Variants in OTUD4 observed in about 807,000 individuals in gnomAD.
The protein encoded by OTUD4 is OTU deubiquitinase 4.
Under a neutral mutation model 130.4 loss-of-function variants are expected in OTUD4, and 24 were observed. The ratio of observed to expected loss-of-function variants is 0.18; its 90% confidence interval spans 0.13 to 0.26. OTUD4 has a LOEUF of 0.26. OTUD4 is among the 10% of genes least tolerant of loss of function. The pLI, the probability that OTUD4 is intolerant of heterozygous loss-of-function variation, is 1.00. For synonymous variants in OTUD4, 420 were observed against 472.5 expected (o/e 0.89, Z 1.44); for missense variants, 1,031 against 1,329.4 (o/e 0.78, Z 3.49).
chr4:145,142,781 G>GTAAC (rs1750625775), intron 17 of OTUD4, among the ~76,000 whole-genome samples: 1 of 152,232 alleles, frequency 6.6e-6, no homozygotes, highest in Non-Finnish European at 1.5e-5. Flanking sequence ...AACTCCTCAT[G>GTAAC]TAACTATATG....
At chr4:145,154,711 G>A (rs1218141547) in intron 10 of OTUD4, among the ~76,000 whole-genome samples, 1 of 152,044 alleles carries the variant, frequency 6.6e-6, no homozygotes, top group African/African-American at 2.4e-5. Context: ...AGGGAGATGA[G>A]GGAGGCTGTC....
intron 5 of OTUD4, 25 bp from the exon 6 acceptor site, chr4:145,162,746 A>G: frequency 8.1e-7 from 1 of 1,232,378 alleles, no homozygotes; most frequent in African/African-American, 1.5e-5. Flanking sequence ...TAAAAGAAAC[A>G]TTTCAGCCCC....
At chr4:145,153,096 C>G (rs898989169) in intron 10 of OTUD4, among the ~76,000 whole-genome samples, 1 of 152,150 alleles carries the variant, frequency 6.6e-6, no homozygotes. Flanking sequence ...AAAATAAGTT[C>G]AAATAGGTCT....
At chr4:145,175,048 A>G (rs1752352969) in intron 1 of OTUD4, among the ~76,000 whole-genome samples, 1 of 152,174 alleles carries the variant, frequency 6.6e-6, no homozygotes, top group Admixed American at 6.5e-5. Context: ...TCCCTCCACA[A>G]TAACTTTACT....
chr4:145,179,582 T>C, intron 1 of OTUD4: 1 of 1,359,012 alleles, frequency 7.4e-7, no homozygotes, highest in Non-Finnish European at 9.4e-7. Context: ...TCATTACCTC[T>C]TCATCAGGAG....
chr4:145,158,309 C>G (rs1253257854), intron 7 of OTUD4, among the ~76,000 whole-genome samples: 1 of 151,996 alleles, frequency 6.6e-6, no homozygotes, highest in Non-Finnish European at 1.5e-5. Context: ...GGTGAAACCC[C>G]ATCTCTACTA....
chr4:145,141,268 C>T, intron 19 of OTUD4, 111 bp downstream of exon 19: 1 of 757,486 alleles, frequency 1.3e-6, no homozygotes. Context: ...CCTTCCCATC[C>T]TTGAGCTTAC....
chr4:145,165,499 TG>T (rs1751809005), intron 3 of OTUD4, among the ~76,000 whole-genome samples: 1 of 151,850 alleles, frequency 6.6e-6, no homozygotes. Context: ...TTTTTTGAGA[TG>T]GAGTTTCGCT....
intron 11 of OTUD4, among the ~76,000 whole-genome samples, chr4:145,152,269 T>C (rs543111975): frequency 5.5e-4 from 84 of 152,188 alleles, no homozygotes; most frequent in Middle Eastern, 3.4e-3. Flanking sequence ...TGCGCTGCCA[T>C]GTCCAGCTAA....
rs1399712612 is a variant in OTUD4 at position 145,155,464 on chromosome 4, G to A, written c.820C>T (p.Arg274Cys). Reference sequence around the variant, plus strand: ...AAGCCAGCAGCAATGGAATAATCACGTTTTTGCTGAGCTGTTAAAAAAAAA... The same window carrying A: ...AAGCCAGCAGCAATGGAATAATCACATTTTTGCTGAGCTGTTAAAAAAAAA... ...WLKSKQAQQK[R>C]DYSIAAGLQY... Residue 274 changes from arginine (R) to cysteine (C), a missense_variant, in exon 10 of 21, where the codon CGT becomes TGT. Physicochemically the swap from Arg to Cys is radical, Grantham distance 180 (BLOSUM62 -3). Around this residue, in one of 3 missense-constraint regions of OTUD4, gnomAD observed 900 missense variants for 1,095.9 expected, o/e 0.82. Coordinates refer to ENST00000447906, the MANE Select transcript of OTUD4 (RefSeq NM_001366057.1). 2.0e-5 allele frequency: 32 copies of A among 1,602,496 alleles called. No individual in the cohort carries two copies. Among genetic ancestry groups the A allele is most frequent in the Admixed American group, 5.1e-5 (3 of 58,712 alleles).
intron 3 of OTUD4, among the ~76,000 whole-genome samples, chr4:145,168,413 TAAAAAAA>T (rs11432018): frequency 8.1e-6 from 1 of 122,874 alleles, no homozygotes; most frequent in Non-Finnish European, 1.7e-5. Flanking sequence ...AATAAAAAAT[TAAAAAAA>T]AAAAAAAAGA....
rs1256447965 is a variant in OTUD4 at position 145,179,964 on chromosome 4, C to A, written c.10G>T (p.Ala4Ser). 3 of 1,519,208 alleles carry A rather than the reference C, an allele frequency of 2.0e-6. No individual in the cohort carries two copies. In the East Asian group the frequency reaches 7.7e-5, roughly 39 times the overall value. The allele number at this position is 1,519,208 out of a possible 1,614,324, so 94.1% of individuals were successfully genotyped here. The stretch of plus-strand genomic sequence containing the variant: ...TCCCCGCCGTCGGGGACGCCGACGG[C>A]AGCCTCCATGTTGCTGGTCCTGCTG... The part of the protein sequence containing the change: MEA[A>S]VGVPDGGDQG... Residue 4 changes from alanine (A) to serine (S), a missense_variant, in exon 1 of 21, where the codon GCC becomes TCC. Physicochemically the swap from Ala to Ser is moderately conservative, Grantham distance 99. Transcript: ENST00000447906.
intron 10 of OTUD4, 132 bp downstream of exon 10, chr4:145,155,279 G>A: frequency 4.2e-6 from 3 of 715,916 alleles, no homozygotes; most frequent in Non-Finnish European, 7.2e-6. Context: ...CTATTAAAAT[G>A]TATATACATG....
At position 145,179,950 on chromosome 4, in the gene OTUD4, G is replaced by T. The variant is rs745449315; in HGVS notation, c.24C>A (p.Pro8=). MEAAVGV[P]DGGDQGGAGP... ...CCGCGCCGCCCTGGTCCCCGCCGTC[G>T]GGGACGCCGACGGCAGCCTCCATGT... The change falls in exon 1 of 21, where the codon CCC becomes CCA. Residue 8 remains proline, a synonymous_variant. Transcript: ENST00000447906. 9 of 1,520,782 alleles carry T rather than the reference G, an allele frequency of 5.9e-6. No individual in the cohort carries two copies. In the South Asian group the frequency reaches 6.0e-5, roughly 10 times the overall value. The allele number at this position is 1,520,782 out of a possible 1,614,324, so 94.2% of individuals were successfully genotyped here. A position where few individuals can be genotyped will look rare whatever the true frequency, so the allele number is the denominator to read the frequency against.
chr4:145,174,687 G>A lies in OTUD4; in HGVS notation c.217C>T (p.Arg73Ter). The A allele has an allele frequency of 1.9e-6, 3 of 1,604,892 alleles. No homozygotes were observed. The highest frequency in any genetic ancestry group is 1.7e-5 in the Admixed American group (1 of 60,002). ...GCTTCAAATTTCTCTCTGTTCTCTC[G>A]AAGATAGTGAATACAGGCCATTCTG... ...EVRMACIHYL[R>*]ENREKFEAFI... The change falls in exon 2 of 21, where the codon CGA becomes TGA. Residue 73 changes from arginine to a stop codon, truncating the protein, a stop_gained. Transcript: ENST00000447906. LOFTEE classifies it high-confidence loss of function.
At chr4:145,161,510 GA>G (rs1222830110) in intron 6 of OTUD4, among the ~76,000 whole-genome samples, 3 of 152,204 alleles carry the variant, frequency 2.0e-5, no homozygotes, top group African/African-American at 7.2e-5. Flanking sequence ...TACTTTGCCA[GA>G]ACGGATGATA....
At position 145,155,626 on chromosome 4, in the gene OTUD4, G is replaced by C. The variant is rs1751248153; in HGVS notation, c.751C>G (p.Leu251Val). Reference protein sequence around the residue: ...LPLSRKVLKSLNPAVYRNVEY... With the variant: ...LPLSRKVLKSVNPAVYRNVEY... ...ACATTTCTATAGACTGCAGGATTGA[G>C]TGACTTAAGAACCTTTCTAGACAAA... The change falls in exon 9 of 21, where the codon CTC (leucine) becomes GTC (valine). Residue 251 changes from leucine to valine, a missense_variant. This residue lies in a region of OTUD4 where 900 missense variants were observed against 1,095.9 expected (regional missense o/e 0.82). Coordinates refer to ENST00000447906, the MANE Select transcript of OTUD4 (RefSeq NM_001366057.1). 6.2e-7 allele frequency: 1 copy of C among 1,613,240 alleles called. No homozygotes were observed. The highest frequency in any genetic ancestry group is 8.5e-7 in the Non-Finnish European group (1 of 1,179,646).
At chr4:145,174,819 C>A in intron 1 of OTUD4, 75 bp from the exon 2 acceptor site, 1 of 773,030 alleles carries the variant, frequency 1.3e-6, no homozygotes, top group Admixed American at 2.0e-5. Flanking sequence ...CTTTTACACC[C>A]AAAATAATCT....
chr4:145,166,378 A>C (rs1221812127), intron 3 of OTUD4, among the ~76,000 whole-genome samples: 1 of 152,188 alleles, frequency 6.6e-6, no homozygotes, highest in Non-Finnish European at 1.5e-5. Flanking sequence ...CAAAATTTAA[A>C]ATGTCCCATA....
Sources: gnomAD v4.1 joint callset for allele counts (sites outside exome capture counted in the v4.1 genomes callset) on GRCh38, gnomAD v4.1.1 for gene constraint, gnomAD v4.1.1 regional missense constraint, MANE v1.5 for transcripts, NCBI Gene and HGNC (gene_info 2026-07-23, HGNC 2026-07-21) for gene names.